The following THSD4 variants were observed in gnomAD, a reference collection of about 807,000 sequenced individuals.
THSD4 encodes the protein thrombospondin type-1 domain-containing protein 4.
Under a neutral mutation model 119.0 loss-of-function variants are expected in THSD4, and 69 were observed. The ratio of observed to expected loss-of-function variants is 0.58; its 90% CI spans 0.48 to 0.71. The LOEUF (loss-of-function observed/expected upper bound fraction) is 0.71. Ranked by LOEUF, THSD4 falls within the 30% of genes least tolerant of loss-of-function variation. The probability of loss-of-function intolerance (pLI) is 0.00; values close to 1 mark genes in which losing one functional copy is unlikely to be tolerated. For synonymous variants in THSD4, 524 were observed against 540.4 expected, an observed-to-expected ratio of 0.97 and a Z score of 0.42; for missense variants, 1,393 against 1,391.1, an observed-to-expected ratio of 1.00 and a Z score of -0.02.
intron 7 of THSD4, among the ~76,000 whole-genome samples, chr15:71,444,572 A>G (rs8027841): frequency 0.027 from 4,061 of 152,264 alleles, 216 homozygotes; most frequent in African/African-American, 0.093. Context: ...ACAGCACCTC[A>G]CGCTGCACGT....
chr15:71,161,691 T>A (rs1015172694), intron 3 of THSD4, among the ~76,000 whole-genome samples: 61 of 151,994 alleles, frequency 4.0e-4, no homozygotes, highest in African/African-American at 1.4e-3. Context: ...TTTTTTTTAA[T>A]CCATTCAGTT....
intron 7 of THSD4, among the ~76,000 whole-genome samples, chr15:71,634,584 C>T (rs2050701309): frequency 6.6e-6 from 1 of 152,174 alleles, no homozygotes; most frequent in Admixed American, 6.5e-5. Flanking sequence ...TTCCCCAGGG[C>T]ATCAGTCACG....
intron 14 of THSD4, among the ~76,000 whole-genome samples, chr15:71,751,669 T>C (rs2053450963): frequency 6.6e-6 from 1 of 151,898 alleles, no homozygotes; most frequent in Non-Finnish European, 1.5e-5. Context: ...TTTATTTTTA[T>C]TTTTATTTTT....
intron 7 of THSD4, among the ~76,000 whole-genome samples, chr15:71,573,773 A>G (rs72739255): frequency 0.058 from 8,790 of 152,280 alleles, 294 homozygotes; most frequent in South Asian, 0.12. Context: ...ATAAATGTCA[A>G]TATGAGCTCT....
chr15:71,243,528 C>A (rs1279639142), intron 5 of THSD4, among the ~76,000 whole-genome samples: 1 of 152,136 alleles, frequency 6.6e-6, no homozygotes, highest in African/African-American at 2.4e-5. Context: ...TGTGAAGAGT[C>A]TTCTCTTAGG....
Position 71,765,096 on chromosome 15 carries a change from T to C in THSD4, c.2666T>C (p.Val889Ala), listed in dbSNP as rs186446899. The change falls in exon 16 of 18, where the codon GTG becomes GCG. Residue 889 changes from valine (V) to alanine (A), a missense_variant. Val to Ala is a moderately conservative substitution (Grantham distance 64). Transcript: ENST00000261862. Reference sequence around the variant, plus strand: ...AGAAAGAATGCAGACACCTTTGAAGTGTTGGACCCCTCTGAATGTTCTTTC... The same window carrying C: ...AGAAAGAATGCAGACACCTTTGAAGCGTTGGACCCCTCTGAATGTTCTTTC... ...CVRKNADTFEVLDPSECSFLE... is the reference protein window; with the variant it reads ...CVRKNADTFEALDPSECSFLE... 105 of 1,614,212 alleles carry C rather than the reference T, an allele frequency of 6.5e-5. 1 individual carries two copies. The East Asian group carries it at 2.1e-3, about 33-fold the overall frequency.
intron 8 of THSD4, among the ~76,000 whole-genome samples, chr15:71,711,261 G>A (rs538925046): frequency 2.6e-4 from 39 of 151,570 alleles, no homozygotes; most frequent in Non-Finnish European, 7.4e-5. Context: ...TTAGGTTCAC[G>A]GAAAAACCGA....
intron 7 of THSD4, among the ~76,000 whole-genome samples, chr15:71,491,123 G>A (rs2047912169): frequency 6.6e-6 from 1 of 152,216 alleles, no homozygotes; most frequent in African/African-American, 2.4e-5. Context: ...CACTTGTCAA[G>A]TTGTCCACCA....
At chr15:71,511,283 G>A (rs2048280235) in intron 7 of THSD4, among the ~76,000 whole-genome samples, 1 of 152,136 alleles carries the variant, frequency 6.6e-6, no homozygotes. Context: ...GCAGAGTTTG[G>A]GGATGTCTCC....
Position 71,261,284 on chromosome 15 carries a change from A to G in THSD4, c.1015+4569A>G, listed in dbSNP as rs191642846. On this transcript the variant is annotated intron_variant, in intron 6 of 17. Transcript: ENST00000261862. ...AGGCAGAGACTAAAGTGATGCAGCT[A>G]TGAGCCTAGGAACGCCAAGGATTGC... 6.6e-5 allele frequency among the ~76,000 whole-genome samples: 10 copies of G among 152,254 alleles called. No individual in the cohort carries two copies. The East Asian group carries it at 9.7e-4, about 15-fold the overall frequency.
intron 6 of THSD4, among the ~76,000 whole-genome samples, chr15:71,318,267 A>G (rs960942745): frequency 2.0e-5 from 3 of 152,180 alleles, no homozygotes; most frequent in Non-Finnish European, 2.9e-5. Flanking sequence ...ACCACAGACT[A>G]GGAGAGAGGC....
At chr15:71,199,713 TG>T (rs2043768491) in intron 3 of THSD4, among the ~76,000 whole-genome samples, 1 of 43,856 alleles carries the variant, frequency 2.3e-5, no homozygotes, top group Non-Finnish European at 4.0e-5. Context: ...TCTGGGTGTG[TG>T]GTGTGTGTGT....
intron 7 of THSD4, among the ~76,000 whole-genome samples, chr15:71,526,430 C>T (rs914643422): frequency 6.6e-6 from 1 of 152,082 alleles, no homozygotes; most frequent in African/African-American, 2.4e-5. Context: ...ACCAAGTAGA[C>T]AGAAATGCAG....
chr15:71,701,679 A>T (rs2052291715), intron 8 of THSD4, among the ~76,000 whole-genome samples: 1 of 152,208 alleles, frequency 6.6e-6, no homozygotes, highest in Admixed American at 6.5e-5. Flanking sequence ...GGCTAAAAAA[A>T]TTATAGTAGG....
intron 7 of THSD4, among the ~76,000 whole-genome samples, chr15:71,589,230 TAAAGGACA>T (rs2049749293): frequency 1.4e-5 from 2 of 142,104 alleles, no homozygotes; most frequent in African/African-American, 4.9e-5. Context: ...TTGAATATAT[TAAAGGACA>T]TAGGATATAA....
chr15:71,242,621 ATC>A, intron 4 of THSD4, 26 bp from the exon 5 acceptor site: 1 of 1,600,550 alleles, frequency 6.2e-7, no homozygotes, highest in South Asian at 1.1e-5. Context: ...GACTCTGATC[ATC>A]TCCTCTCTTG....
At chr15:71,739,503 A>G (rs2053194211) in intron 11 of THSD4, among the ~76,000 whole-genome samples, 1 of 152,176 alleles carries the variant, frequency 6.6e-6, no homozygotes, top group South Asian at 2.1e-4. Context: ...TCCAAAGTTA[A>G]GATACATGTG....
intron 7 of THSD4, among the ~76,000 whole-genome samples, chr15:71,543,988 A>G (rs4776561): frequency 0.21 from 31,409 of 152,176 alleles, 3,390 homozygotes; most frequent in Non-Finnish European, 0.24. Context: ...AGGTTGCACC[A>G]TTGCACTCCA....
At chr15:71,196,295 C>A (rs1485209455) in intron 3 of THSD4, among the ~76,000 whole-genome samples, 1 of 152,158 alleles carries the variant, frequency 6.6e-6, no homozygotes, top group Non-Finnish European at 1.5e-5. Flanking sequence ...ACATTGAAAC[C>A]ATAGCAGCCA....
Sources: allele counts gnomAD v4.1 joint callset (sites outside exome capture counted in the v4.1 genomes callset), GRCh38; gene constraint gnomAD v4.1.1; transcripts MANE v1.5; gene names NCBI Gene and HGNC (gene_info 2026-07-23, HGNC 2026-07-21).